P2RX7: variants seen among roughly 807,000 people sequenced by gnomAD.
P2RX7 encodes the protein P2X purinoceptor 7.
Under a neutral mutation model 71.6 loss-of-function variants are expected in P2RX7, and 62 were observed. That is an observed-to-expected ratio of 0.87 (90% CI 0.71 to 1.07). The LOEUF (loss-of-function observed/expected upper bound fraction) is 1.07, where lower values mean the gene tolerates loss of function less well. Ranked by LOEUF, P2RX7 falls within the 50% of genes least tolerant of loss-of-function variation. The pLI, the probability that P2RX7 is intolerant of heterozygous loss-of-function variation, is 0.00. For missense variants in P2RX7, 686 were observed against 748.5 expected, an observed-to-expected ratio of 0.92 and a Z score of 0.97; for synonymous variants, 299 against 283.3, an observed-to-expected ratio of 1.06 and a Z score of -0.56.
chr12:121,167,562 C>G lies in P2RX7; in HGVS notation c.819C>G (p.Tyr273Ter). The change falls in exon 8 of 13, where the codon TAC becomes TAG. Residue 273 changes from tyrosine (Y) to a stop codon, truncating the protein, a stop_gained. Coordinates refer to ENST00000328963, the MANE Select transcript of P2RX7 (RefSeq NM_002562.6). LOFTEE classifies it high-confidence loss of function. ...GGTTCCATCACTGCCGTCCCAAATA[C>G]AGTTTCCGTCGCCTTGACGACAAGA... ...DRWFHHCRPK[Y>*]SFRRLDDKTT... 1 of 1,612,984 alleles carries G rather than the reference C, an allele frequency of 6.2e-7. No homozygotes were observed. The highest frequency in any genetic ancestry group is 8.5e-7 in the Non-Finnish European group (1 of 1,179,474).
chr12:121,169,992 A>G (rs1653614), intron 8 of P2RX7, among the ~76,000 whole-genome samples: 59,066 of 151,658 alleles, frequency 0.39, 11,930 homozygotes, highest in African/African-American at 0.45. Context: ...TGTCCCCGCC[A>G]CTCCTTAGTG....
Position 121,136,023 on chromosome 12 carries a change from A to AAAAAAAAAAAATATATATAT in P2RX7, c.125+2929_125+2930insAAAAAAAAAATATATATATA. On this transcript the variant is annotated intron_variant, in intron 1 of 12. Coordinates refer to ENST00000328963, the MANE Select transcript of P2RX7 (RefSeq NM_002562.6). Reference sequence around the variant, plus strand: ...TGTCTCAAAAAAAAAAAAAAAAAAAAATATATATATATATATATAGTATTT... The same window carrying AAAAAAAAAAAATATATATAT: ...TGTCTCAAAAAAAAAAAAAAAAAAAAAAAAAAAAAAATATATATATATATATATATATATATATAGTATTT... 8.2e-3 allele frequency among the ~76,000 whole-genome samples: 125 copies of AAAAAAAAAAAATATATATAT among 15,232 alleles called. 8 individuals carry two copies. Among genetic ancestry groups the AAAAAAAAAAAATATATATAT allele is most frequent in the Non-Finnish European group, 0.014 (78 of 5,444 alleles). The allele number at this position is 15,232 out of a possible 152,430, so 10.0% of individuals were successfully genotyped here.
chr12:121,180,959 A>G (rs1718107), intron 12 of P2RX7, among the ~76,000 whole-genome samples: 58,228 of 150,750 alleles, frequency 0.39, 11,703 homozygotes, highest in African/African-American at 0.44. Flanking sequence ...GCAAGACTCC[A>G]TCTCAAAAAA....
At chr12:121,151,371 G>A (rs1160110108) in intron 1 of P2RX7, among the ~76,000 whole-genome samples, 1 of 151,902 alleles carries the variant, frequency 6.6e-6, no homozygotes, top group Non-Finnish European at 1.5e-5. Flanking sequence ...GGAGTAGCTG[G>A]GACTACAGGC....
chr12:121,148,863 A>G (rs1295959616), intron 1 of P2RX7: 1 of 275,178 alleles, frequency 3.6e-6, no homozygotes, highest in Non-Finnish European at 7.2e-6. Context: ...TCTGTGCCGC[A>G]CTGCAGGCAC....
In P2RX7 at chr12:121,162,574, C is replaced by T; in HGVS notation, c.533+54C>T. ...GGCCCTCAGCGGCGACCAGATGAGGCCTTGCCGAGGCTGCTTGGGCCTTCC... is the reference window on the plus strand; with the variant it reads ...GGCCCTCAGCGGCGACCAGATGAGGTCTTGCCGAGGCTGCTTGGGCCTTCC... On this transcript the variant is annotated intron_variant, in intron 5 of 12. Coordinates refer to ENST00000328963, the MANE Select transcript of P2RX7 (RefSeq NM_002562.6). 5 of 1,593,740 alleles carry T rather than the reference C, an allele frequency of 3.1e-6. No homozygotes were observed. In the South Asian group the frequency reaches 3.4e-5, roughly 11 times the overall value.
At chr12:121,173,321 G>A (rs1035244805) in intron 8 of P2RX7, among the ~76,000 whole-genome samples, 22 of 152,264 alleles carry the variant, frequency 1.4e-4, no homozygotes, top group African/African-American at 5.3e-4. Context: ...GAGTAGCTGG[G>A]ATTACAGGCG....
intron 12 of P2RX7, among the ~76,000 whole-genome samples, chr12:121,180,698 C>T (rs1353974414): frequency 1.3e-5 from 2 of 152,122 alleles, no homozygotes; most frequent in Non-Finnish European, 2.9e-5. Context: ...CACGGTGGCT[C>T]ACACCTGCAA....
intron 1 of P2RX7, among the ~76,000 whole-genome samples, chr12:121,140,727 C>T (rs769548366): frequency 4.6e-5 from 7 of 152,198 alleles, no homozygotes; most frequent in East Asian, 1.9e-4. Context: ...GCTGTGATCA[C>T]GCCACTGCAC....
At position 121,167,554 on chromosome 12, in the gene P2RX7, C is replaced by A. The variant is rs1048798877; in HGVS notation, c.811C>A (p.Pro271Thr). The A allele has an allele frequency of 6.8e-6, 11 of 1,613,302 alleles. No individual in the cohort carries two copies. The African/African-American group carries it at 1.3e-4, about 20-fold the overall frequency. ...NLDRWFHHCRPKYSFRRLDDK... is the reference protein window; with the variant it reads ...NLDRWFHHCRTKYSFRRLDDK... ...AGACCGTTGGTTCCATCACTGCCGT[C>A]CCAAATACAGTTTCCGTCGCCTTGA... The change falls in exon 8 of 13, where the codon CCC (proline) becomes ACC (threonine). Residue 271 changes from proline to threonine, a missense_variant. Physicochemically the swap from Pro to Thr is conservative, Grantham distance 38. Transcript: ENST00000328963.
At chr12:121,174,182 G>A (rs368144367) in intron 8 of P2RX7, among the ~76,000 whole-genome samples, 25 of 150,920 alleles carry the variant, frequency 1.7e-4, no homozygotes, top group African/African-American at 6.1e-4. Flanking sequence ...TGAGTAGCTG[G>A]GATTACAGGT....
At position 121,167,538 on chromosome 12, in the gene P2RX7, G is replaced by T. The variant is rs1192834043; in HGVS notation, c.795G>T (p.Trp265Cys). The T allele has an allele frequency of 5.6e-6, 9 of 1,613,808 alleles. No homozygotes were observed. The highest frequency in any genetic ancestry group is 7.6e-6 in the Non-Finnish European group (9 of 1,179,832). ...ACTGGGACTGCAACCTAGACCGTTG[G>T]TTCCATCACTGCCGTCCCAAATACA... ...EIYWDCNLDRWFHHCRPKYSF... is the reference protein window; with the variant it reads ...EIYWDCNLDRCFHHCRPKYSF... The change falls in exon 8 of 13, where the codon TGG becomes TGT. Residue 265 changes from tryptophan to cysteine, a missense_variant. By Grantham distance (215) the Trp-to-Cys change is radical. Coordinates refer to ENST00000328963, the MANE Select transcript of P2RX7 (RefSeq NM_002562.6).
intron 9 of P2RX7, among the ~76,000 whole-genome samples, chr12:121,176,705 T>C (rs1883200063): frequency 6.7e-6 from 1 of 149,098 alleles, no homozygotes; most frequent in Non-Finnish European, 1.5e-5. Context: ...TGAGCCGAGA[T>C]TGCGCCACTG....
rs201028203 is a variant in P2RX7 at position 121,156,094 on chromosome 12, G to A, written c.310G>A (p.Val104Met). Reference sequence around the variant, plus strand: ...TTCTCCACAGGGGAACTCTTTCTTCGTGATGACAAACTTTCTCAAAACAGA... The same window carrying A: ...TTCTCCACAGGGGAACTCTTTCTTCATGATGACAAACTTTCTCAAAACAGA... ...TFPLQGNSFF[V>M]MTNFLKTEGQ... The change falls in exon 3 of 13, where the codon GTG becomes ATG. Residue 104 changes from valine to methionine, a missense_variant. Physicochemically the swap from Val to Met is conservative, Grantham distance 21. Transcript: ENST00000328963. 1.2e-5 allele frequency: 19 copies of A among 1,613,936 alleles called. No individual in the cohort carries two copies. Among genetic ancestry groups the A allele is most frequent in the Admixed American group, 3.3e-5 (2 of 59,992 alleles).
intron 4 of P2RX7, chr12:121,162,222 C>G: frequency 7.3e-7 from 1 of 1,372,146 alleles, no homozygotes; most frequent in Non-Finnish European, 9.4e-7. Context: ...TCTCTCTGAT[C>G]TTTATTATGT....
Position 121,184,287 on chromosome 12 carries a change from G to T in P2RX7, c.1291-18G>T. The T allele has an allele frequency of 6.4e-7, 1 of 1,573,318 alleles. No homozygotes were observed. The stretch of plus-strand genomic sequence containing the variant: ...AGGGCTTGTCATGGCTAATAGGTTT[G>T]GAAACTTGCTTTTTCAGAGACCTGC... On this transcript the variant is annotated intron_variant, in intron 12 of 12. Coordinates refer to ENST00000328963, the MANE Select transcript of P2RX7 (RefSeq NM_002562.6).
At position 121,132,891 on chromosome 12, in the gene P2RX7, A is replaced by G; in HGVS notation, c.-80A>G. On this transcript the variant is annotated 5_prime_UTR_variant, in exon 1 of 13. Transcript: ENST00000328963. The stretch of plus-strand genomic sequence containing the variant: ...AACCAGTACGTTTCATTTTGCAGTT[A>G]CTGGGAGGGGGCTTGCTGTGGCCCT... The G allele has an allele frequency of 6.5e-7, 1 of 1,548,636 alleles. No individual in the cohort carries two copies. The highest frequency in any genetic ancestry group is 2.2e-5 in the East Asian group (1 of 44,516).
chr12:121,155,151 A>T, intron 2 of P2RX7, 198 bp downstream of exon 2: 1 of 1,495,054 alleles, frequency 6.7e-7, no homozygotes, highest in Non-Finnish European at 8.9e-7. Flanking sequence ...TGCTTTATCA[A>T]GTCCTACAGG....
intron 5 of P2RX7, among the ~76,000 whole-genome samples, chr12:121,164,055 G>A (rs898443371): frequency 3.3e-5 from 5 of 152,132 alleles, no homozygotes; most frequent in African/African-American, 1.2e-4. Context: ...AGCTCTGGGA[G>A]ATACAGCAGC....
Sources: gnomAD v4.1 joint callset for allele counts (sites outside exome capture counted in the v4.1 genomes callset) on GRCh38, gnomAD v4.1.1 for gene constraint, MANE v1.5 for transcripts, NCBI Gene and HGNC (gene_info 2026-07-23, HGNC 2026-07-21) for gene names.